Variants in DNAH10 observed in about 807,000 individuals in gnomAD.
The protein encoded by DNAH10 is dynein axonemal heavy chain 10.
Under a neutral mutation model 506.6 loss-of-function variants are expected in DNAH10, and 348 were observed. That is an observed-to-expected ratio of 0.69 (90% CI 0.63 to 0.75). DNAH10 has a LOEUF of 0.75. Among genes scored for constraint, DNAH10 ranks in the 30% least tolerant of loss-of-function variants. DNAH10 has a pLI of 0.00. For missense variants in DNAH10, 5,179 were observed against 5,787.1 expected, an observed-to-expected ratio of 0.89 and a Z score of 3.41; for synonymous variants, 2,059 against 2,198.6, an observed-to-expected ratio of 0.94 and a Z score of 1.78.
In DNAH10 at chr12:123,925,603, C is replaced by A. The variant is rs1317815848; in HGVS notation, c.11921+399C>A. 5.7e-6 allele frequency: 1 copy of A among 175,836 alleles called. No individual in the cohort carries two copies. The highest frequency in any genetic ancestry group is 2.4e-5 in the African/African-American group (1 of 41,828). 10.9% of individuals were successfully genotyped at this position (175,836 alleles called of 1,614,324 possible). ...ATCCTGTGTGAATTCACACTTACAG[C>A]ACATCTCAATTGGGGCTAGCCACAT... is the stretch of plus-strand genomic sequence containing the variant. On this transcript the variant is annotated intron_variant, in intron 68 of 78. Transcript: ENST00000673944. This position sits in a 1 kb window ranked among gnomAD's most constrained non-coding sequence, Gnocchi z 4.0.
Position 123,925,182 on chromosome 12 carries a change from G to A in DNAH10, c.11899G>A (p.Val3967Met), listed in dbSNP as rs980617947. Residue 3967 changes from valine to methionine, a missense_variant, in exon 68 of 79, where the codon GTG becomes ATG. By Grantham distance (21) the Val-to-Met change is conservative (BLOSUM62 1). Transcript: ENST00000673944. The surrounding 1 kb of genome is among the most constrained non-coding windows in gnomAD (Gnocchi z 4.0). ...GGTCTATCGGGCCGTGACTGACTAT[G>A]TGACTGTAACAATGGGAGAGAAGTA... ...DRVYRAVTDY[V>M]TVTMGEKYVQ... 4.3e-6 allele frequency: 7 copies of A among 1,613,858 alleles called. No individual in the cohort carries two copies. The highest frequency in any genetic ancestry group is 5.1e-6 in the Non-Finnish European group (6 of 1,179,898).
chr12:123,867,968 G>A lies in DNAH10; in HGVS notation c.7368G>A (p.Leu2456=), dbSNP rs767999347. ...GAGAAATAGAAGACCTTGACCTGCTGGAGTGCTACTTCCTGGAGGCTTTGT... is the reference window on the plus strand; with the variant it reads ...GAGAAATAGAAGACCTTGACCTGCTAGAGTGCTACTTCCTGGAGGCTTTGT... The part of the protein sequence containing the change: ...LEGEIEDLDL[L]ECYFLEALYC... Residue 2456 remains leucine (L), a synonymous_variant, in exon 43 of 79, where the codon CTG becomes CTA. Coordinates refer to ENST00000673944, the MANE Select transcript of DNAH10 (RefSeq NM_001372106.1). The A allele has an allele frequency of 2.5e-6, 4 of 1,613,898 alleles. No homozygotes were observed. Among genetic ancestry groups the A allele is most frequent in the Non-Finnish European group, 2.5e-6 (3 of 1,179,864 alleles).
chr12:123,905,833 T>C (rs1251395818), intron 57 of DNAH10, among the ~76,000 whole-genome samples: 2 of 152,180 alleles, frequency 1.3e-5, no homozygotes, highest in Non-Finnish European at 2.9e-5. Flanking sequence ...CATGGGCTAT[T>C]TGACTTTGTT....
intron 56 of DNAH10, among the ~76,000 whole-genome samples, chr12:123,901,542 G>A (rs527799598): frequency 1.3e-5 from 2 of 152,368 alleles, no homozygotes; most frequent in South Asian, 4.1e-4. Flanking sequence ...GGGAGGCAGA[G>A]CCTCTGCAGC....
In DNAH10 at chr12:123,910,568, G is replaced by A. The variant is rs1057099916; in HGVS notation, c.10030G>A (p.Glu3344Lys). Residue 3344 changes from glutamate to lysine, a missense_variant, in exon 59 of 79, where the codon GAA becomes AAA. Physicochemically the swap from Glu to Lys is moderately conservative, Grantham distance 56 (BLOSUM62 1). Coordinates refer to ENST00000673944, the MANE Select transcript of DNAH10 (RefSeq NM_001372106.1). ...LLKTLNTTTE[E>K]MEAVSKAGLG... ...GAAGACTCTTAATACCACAACTGAA[G>A]AAATGGAAGCTGTCAGCAAAGCCGG... The A allele has an allele frequency of 6.2e-7, 1 of 1,613,718 alleles. No individual in the cohort carries two copies. The highest frequency in any genetic ancestry group is 1.1e-5 in the South Asian group (1 of 91,072).
intron 52 of DNAH10, among the ~76,000 whole-genome samples, chr12:123,889,527 G>A (rs540580425): frequency 1.8e-4 from 27 of 152,200 alleles, no homozygotes; most frequent in Middle Eastern, 3.4e-3. Context: ...ACTGGTTAAC[G>A]ACAACAACAA....
rs767968292 is a variant in DNAH10, at chr12:123,846,131, C to A, written c.5791C>A (p.Arg1931=). 2 of 1,613,132 alleles carry A rather than the reference C, an allele frequency of 1.2e-6. No individual in the cohort carries two copies. The highest frequency in any genetic ancestry group is 1.7e-6 in the Non-Finnish European group (2 of 1,179,606). The part of the protein sequence containing the change: ...GRLVITPLTD[R]IYLTLTQALS... ...GCTGGTCATCACGCCCCTCACCGAT[C>A]GGATTTACCTGACGCTCACCCAGGT... is the stretch of plus-strand genomic sequence containing the variant. The change falls in exon 32 of 79, where the codon CGG becomes AGG. Residue 1931 remains arginine (R), a synonymous_variant. Coordinates refer to ENST00000673944, the MANE Select transcript of DNAH10 (RefSeq NM_001372106.1). The surrounding 1 kb of genome is among the most constrained non-coding windows in gnomAD (Gnocchi z 4.5).
intron 53 of DNAH10, 51 bp from the exon 54 acceptor site, chr12:123,894,592 G>A (rs746426368): frequency 4.7e-5 from 73 of 1,547,270 alleles, no homozygotes; most frequent in Non-Finnish European, 6.4e-5. Flanking sequence ...ACAGGGTCTC[G>A]CCACATTGCC....
Position 123,916,317 on chromosome 12 carries a change from T to G in DNAH10, c.10723-140T>G. The G allele has an allele frequency of 9.3e-7, 1 of 1,077,156 alleles. No individual in the cohort carries two copies. Among genetic ancestry groups the G allele is most frequent in the South Asian group, 1.6e-5 (1 of 63,670 alleles). 66.7% of individuals were successfully genotyped at this position (1,077,156 alleles called of 1,614,324 possible). On this transcript the variant is annotated intron_variant, in intron 62 of 78. Coordinates refer to ENST00000673944, the MANE Select transcript of DNAH10 (RefSeq NM_001372106.1). The surrounding 1 kb of genome is among the most constrained non-coding windows in gnomAD (Gnocchi z 4.6). ...CATGGTGTATATGCGTTATACCCCT[T>G]GCTTCTCTCTTCTTTTCACCTCTGG...
chr12:123,878,281 A>G (rs1850717234), intron 48 of DNAH10, among the ~76,000 whole-genome samples: 1 of 152,230 alleles, frequency 6.6e-6, no homozygotes, highest in South Asian at 2.1e-4. Context: ...AGAAGTAAGC[A>G]GAGGACAGAA....
chr12:123,873,958 A>G (rs80284349), intron 46 of DNAH10, among the ~76,000 whole-genome samples: 1,752 of 152,306 alleles, frequency 0.012, 36 homozygotes, highest in African/African-American at 0.04. Flanking sequence ...GGCAGCCAGC[A>G]GCCTTTGAAC....
intron 57 of DNAH10, chr12:123,908,422 C>T (rs763657953): frequency 2.4e-5 from 11 of 456,142 alleles, no homozygotes; most frequent in Non-Finnish European, 4.4e-5. Flanking sequence ...CTGTCTCCTG[C>T]TCTTCTCTCC....
chr12:123,838,836 A>G, intron 29 of DNAH10, 147 bp downstream of exon 29: 2 of 728,426 alleles, frequency 2.7e-6, no homozygotes, highest in East Asian at 2.7e-5. Context: ...TTTTTGAGAC[A>G]GGGTCTGGCT....
Position 123,866,088 on chromosome 12 carries a change from T to C in DNAH10, c.7167+15T>C, listed in dbSNP as rs1317892740. 6.3e-6 allele frequency: 10 copies of C among 1,581,818 alleles called. No homozygotes were observed. Among genetic ancestry groups the C allele is most frequent in the Non-Finnish European group, 7.7e-6 (9 of 1,164,048 alleles). On this transcript the variant is annotated intron_variant, in intron 41 of 78. Transcript: ENST00000673944. Reference sequence around the variant, plus strand: ...TACCAAACAAGGTGAAATTTTTTTCTAAAATGAACTTAAATTTATTAGTAT... The same window carrying C: ...TACCAAACAAGGTGAAATTTTTTTCCAAAATGAACTTAAATTTATTAGTAT...
chr12:123,831,141 T>TA (rs1207389362), intron 26 of DNAH10, among the ~76,000 whole-genome samples: 7 of 151,694 alleles, frequency 4.6e-5, no homozygotes, highest in African/African-American at 7.3e-5. Context: ...CATTGATTTT[T>TA]AAATAGATGT....
intron 77 of DNAH10, 29 bp downstream of exon 77, chr12:123,933,540 C>A (rs763085167): frequency 2.6e-6 from 4 of 1,553,720 alleles, no homozygotes; most frequent in Non-Finnish European, 8.7e-7. Flanking sequence ...GGATCCACAG[C>A]CTCTCACTTA....
At position 123,918,951 on chromosome 12, in the gene DNAH10, T is replaced by A. The variant is rs917637394; in HGVS notation, c.11506+2T>A. ...GCATCTATAACCACGGCTGCACAGG[T>A]GAGCTCTCCCCACAGAGGAGGACAT... is the stretch of plus-strand genomic sequence containing the variant. On this transcript the variant is annotated splice_donor_variant, in intron 65 of 78. Transcript: ENST00000673944. LOFTEE classifies it high-confidence loss of function. 1 of 1,606,132 alleles carries A rather than the reference T, an allele frequency of 6.2e-7. No individual in the cohort carries two copies. Among genetic ancestry groups the A allele is most frequent in the Non-Finnish European group, 8.5e-7 (1 of 1,175,074 alleles).
At chr12:123,788,385 G>C (rs1018243938) in intron 10 of DNAH10, among the ~76,000 whole-genome samples, 1 of 152,138 alleles carries the variant, frequency 6.6e-6, no homozygotes. Flanking sequence ...TCTTCCCAGA[G>C]CTCCACGGAT....
At chr12:123,896,319 AC>A (rs1239510106) in intron 54 of DNAH10, among the ~76,000 whole-genome samples, 2 of 152,192 alleles carry the variant, frequency 1.3e-5, no homozygotes, top group South Asian at 2.1e-4. Context: ...GTAACTCAGG[AC>A]CAGCTCTGCA....
Sources: allele counts gnomAD v4.1 joint callset (sites outside exome capture counted in the v4.1 genomes callset), GRCh38; gene constraint gnomAD v4.1.1; non-coding constraint Gnocchi (gnomAD v3.1); transcripts MANE v1.5; gene names NCBI Gene and HGNC (gene_info 2026-07-23, HGNC 2026-07-21).